The following UBXN2A variants were observed in gnomAD, a reference collection of about 807,000 sequenced individuals.
UBXN2A encodes UBX domain protein 2A, also known as UBX domain-containing protein 2A.
UBXN2A carries 28 observed loss-of-function variants against 28.4 expected under a neutral mutation model. The ratio of observed to expected loss-of-function variants is 0.99; its 90% CI spans 0.73 to 1.35. The LOEUF (loss-of-function observed/expected upper bound fraction) is 1.35. UBXN2A is among the 40% of genes most tolerant of loss of function. The pLI is 0.00. For synonymous variants in UBXN2A, 97 were observed against 103.6 expected, an observed-to-expected ratio of 0.94 and a Z score of 0.39; for missense variants, 253 against 297.9, an observed-to-expected ratio of 0.85 and a Z score of 1.11.
intron 4 of UBXN2A, among the ~76,000 whole-genome samples, chr2:23,981,950 C>T (rs1707927021): frequency 6.6e-6 from 1 of 151,924 alleles, no homozygotes; most frequent in African/African-American, 2.4e-5. Context: ...TTCCCTGGGC[C>T]ACATTGGAAG....
intron 6 of UBXN2A, among the ~76,000 whole-genome samples, chr2:23,996,516 G>C (rs1349698360): frequency 7.5e-6 from 1 of 133,782 alleles, no homozygotes; most frequent in Non-Finnish European, 1.6e-5. Flanking sequence ...CGCTCTTGTT[G>C]CCCAGGCTGG....
chr2:23,942,791 T>C (rs1378401294), intron 1 of UBXN2A, among the ~76,000 whole-genome samples: 1 of 152,032 alleles, frequency 6.6e-6, no homozygotes, highest in African/African-American at 2.4e-5. Context: ...TTTTAAACTT[T>C]TATAGAAAAC....
intron 2 of UBXN2A, among the ~76,000 whole-genome samples, chr2:23,961,338 C>T (rs997268599): frequency 1.7e-4 from 26 of 150,622 alleles, no homozygotes; most frequent in African/African-American, 6.1e-4. Flanking sequence ...TCAGGTGATC[C>T]GCCCACCTCG....
chr2:23,971,731 T>C (rs776057429), intron 3 of UBXN2A, among the ~76,000 whole-genome samples: 2 of 152,044 alleles, frequency 1.3e-5, no homozygotes, highest in Non-Finnish European at 2.9e-5. Context: ...CTCAAGTAGT[T>C]CTCCTGCCTT....
intron 2 of UBXN2A, among the ~76,000 whole-genome samples, chr2:23,966,652 C>T (rs1038582190): frequency 2.5e-4 from 37 of 149,500 alleles, no homozygotes; most frequent in Middle Eastern, 3.5e-3. Context: ...GGGGTTTCAC[C>T]GTGTTAGCCA....
intron 4 of UBXN2A, among the ~76,000 whole-genome samples, chr2:23,979,339 T>A (rs1280297537): frequency 1.3e-5 from 2 of 151,848 alleles, no homozygotes; most frequent in Non-Finnish European, 2.9e-5. Context: ...AGCGAGACTC[T>A]GTCTCAAAAA....
chr2:23,976,927 A>C (rs1363112555), intron 3 of UBXN2A, 42 bp from the exon 4 acceptor site: 1 of 1,529,332 alleles, frequency 6.5e-7, no homozygotes, highest in Non-Finnish European at 9.0e-7. Flanking sequence ...ATCCTACTAC[A>C]TTTTATTAAC....
intron 6 of UBXN2A, among the ~76,000 whole-genome samples, chr2:23,986,391 C>T (rs1708132023): frequency 6.6e-6 from 1 of 151,922 alleles, no homozygotes; most frequent in South Asian, 2.1e-4. Flanking sequence ...TCATTTGATT[C>T]ATTTTTCTGT....
chr2:23,973,425 G>C (rs1286448352), intron 3 of UBXN2A, among the ~76,000 whole-genome samples: 2 of 149,548 alleles, frequency 1.3e-5, no homozygotes, highest in Non-Finnish European at 3.0e-5. Flanking sequence ...TGTAAGCTCC[G>C]CCTCCCAGGT....
intron 2 of UBXN2A, among the ~76,000 whole-genome samples, chr2:23,962,526 A>G (rs1309424195): frequency 6.6e-6 from 1 of 151,834 alleles, no homozygotes; most frequent in Non-Finnish European, 1.5e-5. Context: ...GTATTAGTCC[A>G]TTTTCATGCT....
chr2:23,950,301 G>A (rs950319504), intron 1 of UBXN2A, among the ~76,000 whole-genome samples: 4 of 152,116 alleles, frequency 2.6e-5, no homozygotes, highest in Non-Finnish European at 4.4e-5. Context: ...CTAGGACGAT[G>A]ATTACAATGT....
rs1429134901 is a variant in UBXN2A, at chr2:24,001,563, G to A, written c.*1696G>A. ...AGCAGCAGTAATGTTCATAGGGTGC[G>A]AGATGCCTGCTATGAAACAGCAACT... is the stretch of plus-strand genomic sequence containing the variant. On this transcript the variant is annotated 3_prime_UTR_variant, in exon 7 of 7. Transcript: ENST00000309033. The A allele has an allele frequency of 6.6e-6, 1 of 151,988 alleles. No homozygotes were observed. The highest frequency in any genetic ancestry group is 1.5e-5 in the Non-Finnish European group (1 of 68,000). 9.4% of individuals were successfully genotyped at this position (151,988 alleles called of 1,614,324 possible).
chr2:23,939,328 G>A (rs572994033), upstream of UBXN2A, among the ~76,000 whole-genome samples: 253 of 152,272 alleles, frequency 1.7e-3, 2 homozygotes, highest in Middle Eastern at 0.037. Context: ...GCAACTGAGA[G>A]TGGGGATTGG....
intron 3 of UBXN2A, among the ~76,000 whole-genome samples, chr2:23,974,753 G>T (rs979455212): frequency 1.3e-5 from 2 of 152,210 alleles, no homozygotes; most frequent in African/African-American, 4.8e-5. Flanking sequence ...CAAGGTGGGT[G>T]AATCACTTGA....
At chr2:23,934,879 G>T (rs1037974744) in intron 1 of UBXN2A, among the ~76,000 whole-genome samples, 3 of 152,132 alleles carry the variant, frequency 2.0e-5, no homozygotes, top group Non-Finnish European at 4.4e-5. Context: ...TTCAAGACCA[G>T]CCTGGCCAAC....
At chr2:23,930,361 G>A (rs570199979) in intron 1 of UBXN2A, among the ~76,000 whole-genome samples, 85 of 152,196 alleles carry the variant, frequency 5.6e-4, no homozygotes, top group African/African-American at 1.4e-3. Context: ...AATCAAGAAC[G>A]TTTAAAAATC....
chr2:23,985,421 G>C (rs1173750486), intron 6 of UBXN2A, among the ~76,000 whole-genome samples: 1 of 152,010 alleles, frequency 6.6e-6, no homozygotes, highest in East Asian at 1.9e-4. Flanking sequence ...GCTAATTTTT[G>C]TATTTTTAGT....
chr2:23,942,419 CTTTTTTTTTT>C (rs759241567), intron 1 of UBXN2A, among the ~76,000 whole-genome samples: 1 of 98,134 alleles, frequency 1.0e-5, no homozygotes, highest in African/African-American at 3.8e-5. Flanking sequence ...TGATGCAGGG[CTTTTTTTTTT>C]TTTTTTTTTT....
At chr2:23,997,319 A>G (rs1036239142) in intron 6 of UBXN2A, among the ~76,000 whole-genome samples, 2 of 152,114 alleles carry the variant, frequency 1.3e-5, no homozygotes, top group African/African-American at 2.4e-5. Flanking sequence ...TTATACTTTC[A>G]TTGGATTTAT....
Sources: allele counts gnomAD v4.1 joint callset (sites outside exome capture counted in the v4.1 genomes callset), GRCh38; gene constraint gnomAD v4.1.1; transcripts MANE v1.5; gene names NCBI Gene and HGNC (gene_info 2026-07-23, HGNC 2026-07-21).